Variants in RSRC1 observed in about 807,000 individuals in gnomAD.
RSRC1 encodes serine/Arginine-related protein 53.
Under a neutral mutation model 49.1 loss-of-function variants are expected in RSRC1, and 39 were observed. The ratio of observed to expected loss-of-function variants is 0.79; its 90% CI spans 0.61 to 1.04. The LOEUF (loss-of-function observed/expected upper bound fraction) is 1.04, where lower values mean the gene tolerates loss of function less well. RSRC1 is among the 50% of genes least tolerant of loss of function. The pLI is 0.00. For missense variants in RSRC1, 388 were observed against 402.4 expected, an observed-to-expected ratio of 0.96 and a Z score of 0.31; for synonymous variants, 143 against 130.8, an observed-to-expected ratio of 1.09 and a Z score of -0.63.
intron 4 of RSRC1, among the ~76,000 whole-genome samples, chr3:158,233,361 G>A (rs1450841179): frequency 1.3e-5 from 2 of 152,108 alleles, no homozygotes; most frequent in African/African-American, 4.8e-5. Context: ...ATATTTTCTA[G>A]TGATTGCAAT....
chr3:158,252,523 G>A (rs1724281653), intron 4 of RSRC1, among the ~76,000 whole-genome samples: 1 of 152,162 alleles, frequency 6.6e-6, no homozygotes, highest in African/African-American at 2.4e-5. Context: ...TTGCATCAAT[G>A]TTCATCAGGG....
intron 1 of RSRC1, among the ~76,000 whole-genome samples, chr3:158,112,865 A>G (rs956285000): frequency 4.0e-5 from 6 of 151,878 alleles, no homozygotes; most frequent in Admixed American, 2.0e-4. Flanking sequence ...CTCAATATTC[A>G]GCTCCCACTT....
intron 7 of RSRC1, among the ~76,000 whole-genome samples, chr3:158,491,718 A>G (rs1380617838): frequency 6.6e-6 from 1 of 152,194 alleles, no homozygotes; most frequent in Admixed American, 6.6e-5. Flanking sequence ...AAGTAATGAA[A>G]ATAAAGATAA....
At chr3:158,529,913 G>A (rs761998187) in intron 7 of RSRC1, among the ~76,000 whole-genome samples, 1 of 151,886 alleles carries the variant, frequency 6.6e-6, no homozygotes, top group Non-Finnish European at 1.5e-5. Context: ...ATTCAACCCA[G>A]AGCATTCAGT....
intron 3 of RSRC1, among the ~76,000 whole-genome samples, chr3:158,142,781 C>A (rs57977692): frequency 0.57 from 85,822 of 151,316 alleles, 24,598 homozygotes; most frequent in East Asian, 0.7. Flanking sequence ...CCAGGGTCCA[C>A]CTCCAACACT....
At chr3:158,197,693 C>T (rs1031487572) in intron 3 of RSRC1, among the ~76,000 whole-genome samples, 2 of 151,982 alleles carry the variant, frequency 1.3e-5, no homozygotes, top group Admixed American at 1.3e-4. Flanking sequence ...TATATTATGT[C>T]TTTGTTCTCG....
chr3:158,208,632 A>G lies in RSRC1; in HGVS notation c.494+5387A>G, dbSNP rs187076078. Reference sequence around the variant, plus strand: ...GCAATCCTCTGGCTTTGGCCTTCCAAAGCACTAGGATTACAGGAGTGAGCC... The same window carrying G: ...GCAATCCTCTGGCTTTGGCCTTCCAGAGCACTAGGATTACAGGAGTGAGCC... On this transcript the variant is annotated intron_variant, in intron 4 of 9. Transcript: ENST00000611884. Among the ~76,000 whole-genome samples, 20 of 152,306 alleles carry G rather than the reference A, an allele frequency of 1.3e-4. No homozygotes were observed. In the East Asian group the frequency reaches 3.9e-3, roughly 29 times the overall value.
intron 6 of RSRC1, among the ~76,000 whole-genome samples, chr3:158,418,555 A>T (rs968307531): frequency 2.0e-5 from 3 of 151,932 alleles, no homozygotes; most frequent in Non-Finnish European, 2.9e-5. Context: ...TAATAGGTTG[A>T]CATTCTTTTG....
At chr3:158,497,752 G>C (rs549060908) in intron 7 of RSRC1, among the ~76,000 whole-genome samples, 1 of 151,884 alleles carries the variant, frequency 6.6e-6, no homozygotes, top group East Asian at 1.9e-4. Flanking sequence ...TCATTCTTAC[G>C]TCTTTGTGTC....
chr3:158,521,396 C>T (rs544475220), intron 7 of RSRC1, among the ~76,000 whole-genome samples: 65 of 152,234 alleles, frequency 4.3e-4, no homozygotes, highest in African/African-American at 1.5e-3. Flanking sequence ...AGCACCCACA[C>T]AATCCTGATC....
In RSRC1 at chr3:158,127,949, CTGGAATA is replaced by C. The variant is rs891218650; in HGVS notation, c.320+3960_320+3966del. On this transcript the variant is annotated intron_variant, in intron 3 of 9. Transcript: ENST00000611884. ...TTCCCTCTGGCACCTCTCCAAAATG[CTGGAATA>C]TTTGAAGCATGTACTTCACTCTTCT... 4.3e-4 allele frequency among the ~76,000 whole-genome samples: 65 copies of C among 152,210 alleles called. 1 individual carries two copies. Among genetic ancestry groups the C allele is most frequent in the East Asian group, 5.8e-4 (3 of 5,178 alleles).
intron 7 of RSRC1, among the ~76,000 whole-genome samples, chr3:158,504,255 C>G (rs145724927): frequency 3.1e-4 from 47 of 152,294 alleles, no homozygotes; most frequent in African/African-American, 1.1e-3. Flanking sequence ...GAGCAGTCAG[C>G]TTCCTTCATT....
intron 6 of RSRC1, among the ~76,000 whole-genome samples, chr3:158,440,165 G>A (rs1293434126): frequency 2.1e-5 from 3 of 144,352 alleles, no homozygotes; most frequent in East Asian, 2.0e-4. Context: ...GTGAAAGAGT[G>A]TGGTATATGT....
At chr3:158,357,594 A>G (rs1289430648) in intron 6 of RSRC1, among the ~76,000 whole-genome samples, 1 of 152,170 alleles carries the variant, frequency 6.6e-6, no homozygotes, top group Non-Finnish European at 1.5e-5. Context: ...CTTACTGTCA[A>G]GATTCTAGTT....
intron 6 of RSRC1, among the ~76,000 whole-genome samples, chr3:158,365,731 C>A (rs1012927471): frequency 1.3e-5 from 2 of 152,174 alleles, no homozygotes; most frequent in African/African-American, 2.4e-5. Flanking sequence ...ACACTATCAT[C>A]CACAATGGTT....
chr3:158,265,917 A>G (rs890284454), intron 4 of RSRC1, among the ~76,000 whole-genome samples: 13 of 152,148 alleles, frequency 8.5e-5, no homozygotes, highest in South Asian at 2.1e-4. Context: ...TACAGATGCC[A>G]TTTATTTCAG....
At chr3:158,493,606 AC>A (rs1739186820) in intron 7 of RSRC1, among the ~76,000 whole-genome samples, 4 of 152,252 alleles carry the variant, frequency 2.6e-5, no homozygotes, top group Admixed American at 2.6e-4. Context: ...CATATCAAGC[AC>A]CCCTCAAAAC....
chr3:158,309,210 C>T (rs1351438909), intron 5 of RSRC1, among the ~76,000 whole-genome samples: 3 of 151,788 alleles, frequency 2.0e-5, no homozygotes, highest in African/African-American at 4.8e-5. Context: ...AAAGTGCTTT[C>T]GACTAGTAAA....
chr3:158,501,807 G>C (rs150557051), intron 7 of RSRC1, among the ~76,000 whole-genome samples: 5 of 152,068 alleles, frequency 3.3e-5, no homozygotes, highest in African/African-American at 9.7e-5. Flanking sequence ...TCCATTCTGC[G>C]GTTCTGTATC....
Sources: gnomAD v4.1 joint callset for allele counts (sites outside exome capture counted in the v4.1 genomes callset) on GRCh38, gnomAD v4.1.1 for gene constraint, MANE v1.5 for transcripts, NCBI Gene and HGNC (gene_info 2026-07-23, HGNC 2026-07-21) for gene names.